The following AVEN variants were observed in gnomAD, a reference collection of about 807,000 sequenced individuals.
The protein encoded by AVEN is cell death regulator Aven.
In AVEN, 41 loss-of-function variants were observed where a neutral mutation model predicts 38.1. That is an observed-to-expected ratio of 1.08 (90% CI 0.84 to 1.40). AVEN has a LOEUF of 1.40. Among genes scored for constraint, AVEN ranks in the 40% most tolerant of loss-of-function variants. The pLI is 0.00. For missense variants in AVEN, 605 were observed against 438.8 expected, an observed-to-expected ratio of 1.38 and a Z score of -3.38; for synonymous variants, 206 against 171.8, an observed-to-expected ratio of 1.20 and a Z score of -1.56.
chr15:33,859,440 C>T (rs928380974), intron 11 of AVEN: 20 of 829,768 alleles, frequency 2.4e-5, no homozygotes, highest in Non-Finnish European at 3.9e-5. Flanking sequence ...AGCATGAATA[C>T]TGGCACCTCT....
chr15:33,925,797 G>T (rs1429126620), intron 2 of AVEN, among the ~76,000 whole-genome samples: 1 of 152,132 alleles, frequency 6.6e-6, no homozygotes, highest in African/African-American at 2.4e-5. Context: ...ACTTGAGATG[G>T]AAAGTTTTTA....
chr15:33,853,619 A>G, the AVEN span: 25 of 1,613,924 alleles, frequency 1.5e-5, no homozygotes, highest in African/African-American at 3.2e-4. Context: ...GGTTTGGACA[A>G]AAATGCTCTT....
rs762925899 is a variant in AVEN, at chr15:33,866,707, G to C, written c.995C>G (p.Thr332Ser). Residue 332 changes from threonine to serine, a missense_variant, in exon 6 of 6, where the codon ACT becomes AGT. Physicochemically the swap from Thr to Ser is moderately conservative, Grantham distance 58. Coordinates refer to ENST00000306730, the MANE Select transcript of AVEN (RefSeq NM_020371.3). ...CTCAGGTTCCATGTTTTTTTCTTCA[G>C]TCACAGATGGTTTTGCACAAACTGG... ...EEEVCAKPSV[T>S]EEKNMEPEQP... 1.9e-6 allele frequency: 3 copies of C among 1,613,594 alleles called. No homozygotes were observed. The highest frequency in any genetic ancestry group is 1.1e-5 in the South Asian group (1 of 91,010).
intron 1 of AVEN, among the ~76,000 whole-genome samples, chr15:34,011,718 T>A (rs1309902210): frequency 6.6e-6 from 1 of 152,092 alleles, no homozygotes; most frequent in Non-Finnish European, 1.5e-5. Flanking sequence ...ATTCCATCTC[T>A]CTCTTTCCCT....
intron 2 of AVEN, among the ~76,000 whole-genome samples, chr15:33,932,612 G>A (rs908886143): frequency 1.3e-5 from 2 of 152,104 alleles, no homozygotes; most frequent in African/African-American, 4.8e-5. Flanking sequence ...GGATCATGAG[G>A]TCAGGAGTTC....
chr15:34,034,195 C>T (rs1038498112), intron 1 of AVEN, among the ~76,000 whole-genome samples: 1 of 152,188 alleles, frequency 6.6e-6, no homozygotes, highest in Non-Finnish European at 1.5e-5. Flanking sequence ...GTAACCCCAG[C>T]ACTTTGGGTG....
At chr15:34,038,649 C>G (rs1159590850) in intron 1 of AVEN, 131 bp downstream of exon 1, 1 of 845,568 alleles carries the variant, frequency 1.2e-6, no homozygotes, top group Non-Finnish European at 1.5e-6. Flanking sequence ...CCGCCCGTCC[C>G]GCGCAGGCGC....
downstream of AVEN, chr15:33,854,390 C>T (rs868781162): frequency 1.3e-6 from 2 of 1,571,164 alleles, no homozygotes; most frequent in African/African-American, 2.7e-5. Context: ...CTTCTCTAGG[C>T]TAAGTTCCAT....
chr15:33,860,414 G>C (rs1887753429), intron 11 of AVEN, among the ~76,000 whole-genome samples: 1 of 152,150 alleles, frequency 6.6e-6, no homozygotes, highest in Non-Finnish European at 1.5e-5. Context: ...GTAGAGTTAG[G>C]AGGAACAATG....
At position 34,038,990 on chromosome 15, in the gene AVEN, C is replaced by T; in HGVS notation, c.57G>A (p.Arg19=). ...GCTCGCTGTGGCGATCTCCGCCAGG[C>T]CGGCCGCGGCCTGGCCGCCGCCCAC... is the stretch of plus-strand genomic sequence containing the variant. ...GGRGRRPGRG[R]PGGDRHSERP... Residue 19 remains arginine, a synonymous_variant, in exon 1 of 6, where the codon CGG becomes CGA. Transcript: ENST00000306730. 9.0e-7 allele frequency: 1 copy of T among 1,116,390 alleles called. No homozygotes were observed. The highest frequency in any genetic ancestry group is 1.1e-6 in the Non-Finnish European group (1 of 916,412). 69.2% of individuals were successfully genotyped at this position (1,116,390 alleles called of 1,614,324 possible).
chr15:34,015,488 TA>T (rs61057225), intron 1 of AVEN, among the ~76,000 whole-genome samples: 6 of 150,202 alleles, frequency 4.0e-5, no homozygotes. Flanking sequence ...TCTCAAAAAA[TA>T]AAAAAAAATA....
At chr15:34,026,818 C>G (rs776137741) in intron 1 of AVEN, among the ~76,000 whole-genome samples, 2 of 152,092 alleles carry the variant, frequency 1.3e-5, no homozygotes, top group African/African-American at 2.4e-5. Flanking sequence ...ACTTCCCCTG[C>G]GGTCTTTTGT....
Position 33,889,629 on chromosome 15 carries a change from C to T in AVEN, c.446-13634G>A, listed in dbSNP as rs576693044. Among the ~76,000 whole-genome samples the T allele has an allele frequency of 3.9e-5, 6 of 152,226 alleles. No individual in the cohort carries two copies. In the East Asian group the frequency reaches 1.2e-3, roughly 29 times the overall value. ...ATACGCATCCAACTTGCCTTCTCAT[C>T]TCATTAGGTTTTCTTTTATTTTTAG... On this transcript the variant is annotated intron_variant, in intron 2 of 5. Transcript: ENST00000306730.
At chr15:33,869,925 G>A (rs900672607) in intron 4 of AVEN, among the ~76,000 whole-genome samples, 3 of 150,298 alleles carry the variant, frequency 2.0e-5, no homozygotes, top group African/African-American at 7.4e-5. Context: ...ACTTCATCCT[G>A]TTATCTCCTG....
intron 2 of AVEN, among the ~76,000 whole-genome samples, chr15:33,904,357 C>A (rs1257206785): frequency 6.6e-6 from 1 of 152,202 alleles, no homozygotes; most frequent in African/African-American, 2.4e-5. Context: ...GAGTTCGAAA[C>A]TGCAGTGAGC....
chr15:33,966,146 C>A (rs1895371444), intron 2 of AVEN, among the ~76,000 whole-genome samples: 1 of 152,106 alleles, frequency 6.6e-6, no homozygotes, highest in African/African-American at 2.4e-5. Context: ...CCCTCTATAA[C>A]CACTTTTTCA....
chr15:33,857,546 C>G (rs1393528571), downstream of AVEN, among the ~76,000 whole-genome samples: 1 of 152,068 alleles, frequency 6.6e-6, no homozygotes, highest in African/African-American at 2.4e-5. Flanking sequence ...ATTCAGCCCC[C>G]AACACCCCAT....
At chr15:33,900,910 T>C (rs1483329260) in intron 2 of AVEN, among the ~76,000 whole-genome samples, 1 of 152,252 alleles carries the variant, frequency 6.6e-6, no homozygotes, top group East Asian at 1.9e-4. Flanking sequence ...GGGCTGGGGC[T>C]AGAAAGAAGG....
At position 33,956,881 on chromosome 15, in the gene AVEN, C is replaced by T. The variant is rs1199741278; in HGVS notation, c.445+46151G>A. ...AATTTTTTTCCCAGATGGTGAACTC[C>T]ACTTGGACCAACACCATTTTCCTGA... On this transcript the variant is annotated intron_variant, in intron 2 of 5. Coordinates refer to ENST00000306730, the MANE Select transcript of AVEN (RefSeq NM_020371.3). 5.9e-5 allele frequency among the ~76,000 whole-genome samples: 9 copies of T among 152,282 alleles called. No homozygotes were observed. In the East Asian group the frequency reaches 1.7e-3, roughly 29 times the overall value.
Sources: gnomAD v4.1 joint callset for allele counts (sites outside exome capture counted in the v4.1 genomes callset) on GRCh38, gnomAD v4.1.1 for gene constraint, MANE v1.5 for transcripts, NCBI Gene and HGNC (gene_info 2026-07-23, HGNC 2026-07-21) for gene names.